Variants in ANKS3 observed in about 807,000 individuals in gnomAD.
ANKS3 encodes the protein ankyrin repeat and SAM domain-containing protein 3.
In ANKS3, 62 loss-of-function variants were observed where a neutral mutation model predicts 80.7. The ratio of observed to expected loss-of-function variants is 0.77; its 90% CI spans 0.63 to 0.95. ANKS3 has a LOEUF of 0.95. Among genes scored for constraint, ANKS3 ranks in the 40% least tolerant of loss-of-function variants. The probability of loss-of-function intolerance (pLI) is 0.00; values close to 1 mark genes in which losing one functional copy is unlikely to be tolerated. For synonymous variants in ANKS3, 489 were observed against 355.3 expected, an observed-to-expected ratio of 1.38 and a Z score of -4.23; for missense variants, 1,150 against 883.6, an observed-to-expected ratio of 1.30 and a Z score of -3.82.
At position 4,702,470 on chromosome 16, in the gene ANKS3, C is replaced by G. The variant is rs545911019; in HGVS notation, c.869-228G>C. Among the ~76,000 whole-genome samples the G allele has an allele frequency of 5.3e-5, 8 of 152,336 alleles. No homozygotes were observed. In the South Asian group the frequency reaches 1.7e-3, roughly 32 times the overall value. ...GGCGAGGGCTGGCAGCCAGGTCAAG[C>G]CTGGGCCCTCTCCATTTCTTTTCCA... On this transcript the variant is annotated intron_variant, in intron 8 of 17. Coordinates refer to ENST00000304283, the MANE Select transcript of ANKS3 (RefSeq NM_133450.4).
intron 5 of ANKS3, among the ~76,000 whole-genome samples, chr16:4,725,803 G>T (rs1368126265): frequency 6.6e-6 from 1 of 152,048 alleles, no homozygotes; most frequent in African/African-American, 2.4e-5. Context: ...GGGATTACAG[G>T]CACCTGCCAC....
intron 7 of ANKS3, among the ~76,000 whole-genome samples, chr16:4,708,239 A>C (rs1274636827): frequency 6.6e-6 from 1 of 152,182 alleles, no homozygotes; most frequent in Admixed American, 6.5e-5. Context: ...GAATAACATG[A>C]GAAATTAATT....
chr16:4,733,450 C>G (rs2081771513), intron 1 of ANKS3, among the ~76,000 whole-genome samples: 1 of 151,906 alleles, frequency 6.6e-6, no homozygotes, highest in Non-Finnish European at 1.5e-5. Flanking sequence ...AGCCACCATG[C>G]CAGCCTAGTT....
Position 4,705,258 on chromosome 16 carries a change from G to A in ANKS3, c.710-5C>T, listed in dbSNP as rs769893016. The A allele has an allele frequency of 1.2e-6, 2 of 1,613,490 alleles. No homozygotes were observed. The highest frequency in any genetic ancestry group is 3.3e-5 in the Admixed American group (2 of 59,930). ...AGCTCAGATCTTCGTACTTTTCTGT[G>A]ATCAAACACCAAGATTAAGATAGTG... On this transcript the variant is annotated splice_polypyrimidine_tract_variant and splice_region_variant and intron_variant, in intron 7 of 17. Coordinates refer to ENST00000304283, the MANE Select transcript of ANKS3 (RefSeq NM_133450.4).
chr16:4,724,906 A>C (rs2081279856), intron 5 of ANKS3, 75 bp from the exon 6 acceptor site: 3 of 1,368,684 alleles, frequency 2.2e-6, no homozygotes, highest in Non-Finnish European at 3.1e-6. Flanking sequence ...GCTGAAGATA[A>C]ACCCTGAGCA....
intron 10 of ANKS3, 125 bp downstream of exon 10, chr16:4,701,309 C>A: frequency 7.5e-7 from 1 of 1,324,792 alleles, no homozygotes; most frequent in Non-Finnish European, 1.0e-6. Context: ...CACAGCACGT[C>A]CCAGTGCAGC....
At chr16:4,706,172 G>A (rs1313178117) in intron 7 of ANKS3, among the ~76,000 whole-genome samples, 1 of 152,054 alleles carries the variant, frequency 6.6e-6, no homozygotes, top group Non-Finnish European at 1.5e-5. Flanking sequence ...GGGATTATAG[G>A]CACGTTACCA....
intron 5 of ANKS3, 122 bp from the exon 6 acceptor site, chr16:4,724,953 T>C (rs2081282552): frequency 1.4e-6 from 1 of 727,466 alleles, no homozygotes; most frequent in Non-Finnish European, 2.3e-6. Context: ...TAGAACACTG[T>C]CCCTTTCCAG....
rs947119356 is a variant in ANKS3, at chr16:4,727,060, A to G, written c.288T>C (p.Asn96=). Residue 96 remains asparagine, a synonymous_variant, in exon 4 of 18, where the codon AAT becomes AAC. Transcript: ENST00000304283. ...HLLLEAGVSV[N]VPTPEGQTPL... is the part of the protein sequence containing the mutation. ...GAGTCTGCCCTTCTGGGGTCGGCAC[A>G]TTCACACTCACCCCCGCCTCAAGCA... is the stretch of plus-strand genomic sequence containing the variant. 6.2e-7 allele frequency: 1 copy of G among 1,614,140 alleles called. No individual in the cohort carries two copies.
intron 16 of ANKS3, 55 bp downstream of exon 16, chr16:4,697,278 T>C (rs2079614625): frequency 1.3e-6 from 2 of 1,561,758 alleles, no homozygotes; most frequent in Non-Finnish European, 1.7e-6. Context: ...AGGGGTCCCT[T>C]TGCCTCCCTC....
intron 6 of ANKS3, among the ~76,000 whole-genome samples, chr16:4,714,739 AT>A (rs2142091521): frequency 6.6e-6 from 1 of 152,236 alleles, no homozygotes; most frequent in East Asian, 1.9e-4. Flanking sequence ...CATGCCTGTA[AT>A]CCCAGCACTT....
chr16:4,724,688 T>C, intron 6 of ANKS3, 62 bp downstream of exon 6: 1 of 1,461,686 alleles, frequency 6.8e-7, no homozygotes, highest in Middle Eastern at 1.7e-4. Context: ...AGCTTATACT[T>C]CAGTAATATG....
intron 14 of ANKS3, 73 bp from the exon 15 acceptor site, chr16:4,698,135 TA>T: frequency 6.8e-7 from 1 of 1,471,430 alleles, no homozygotes; most frequent in Non-Finnish European, 9.3e-7. Flanking sequence ...TCAGACCTTC[TA>T]GGGGAGGGAG....
chr16:4,724,598 A>G (rs2081262530), intron 6 of ANKS3, 152 bp downstream of exon 6: 3 of 702,130 alleles, frequency 4.3e-6, no homozygotes, highest in Non-Finnish European at 7.2e-6. Context: ...GCACCACTCA[A>G]CACCGGGCGT....
At chr16:4,713,376 C>G (rs2080605148) in intron 7 of ANKS3, among the ~76,000 whole-genome samples, 1 of 152,090 alleles carries the variant, frequency 6.6e-6, no homozygotes, top group Non-Finnish European at 1.5e-5. Flanking sequence ...CGTATCCAAC[C>G]ACCACCTGTT....
At chr16:4,703,490 G>A (rs1327730191) in intron 8 of ANKS3, among the ~76,000 whole-genome samples, 6 of 148,190 alleles carry the variant, frequency 4.0e-5, no homozygotes, top group African/African-American at 1.0e-4. Context: ...GCACAATCTC[G>A]GCTCACTGCA....
rs757305590 is a variant in ANKS3 at position 4,697,973 on chromosome 16, T to C, written c.1810+4A>G. On this transcript the variant is annotated splice_donor_region_variant and intron_variant, in intron 15 of 17. Transcript: ENST00000304283. ...CCAGTGCGGAGTCAGGCCACTGCTC[T>C]TACCAGCTGGGGGGACGGCTAGGCC... is the stretch of plus-strand genomic sequence containing the variant. The C allele has an allele frequency of 4.0e-5, 64 of 1,583,468 alleles. No homozygotes were observed. The highest frequency in any genetic ancestry group is 5.2e-5 in the Non-Finnish European group (61 of 1,166,276).
rs556223825 is a variant in ANKS3, at chr16:4,731,831, T to C, written c.-70-252A>G. ...GGTAACACTTTCCCCGAGATGGGCC[T>C]ACATGGGTAACGGCACACCAGGAAT... is the stretch of plus-strand genomic sequence containing the variant. On this transcript the variant is annotated intron_variant, in intron 1 of 17. Transcript: ENST00000304283. 6.6e-5 allele frequency among the ~76,000 whole-genome samples: 10 copies of C among 152,086 alleles called. 1 individual carries two copies. In the South Asian group the frequency reaches 2.1e-3, roughly 32 times the overall value.
chr16:4,731,149 T>A (rs2081594983), intron 2 of ANKS3, among the ~76,000 whole-genome samples: 1 of 152,084 alleles, frequency 6.6e-6, no homozygotes, highest in Non-Finnish European at 1.5e-5. Flanking sequence ...AAGGCAAAAT[T>A]AAAGGGTTGG....
Sources: allele counts gnomAD v4.1 joint callset (sites outside exome capture counted in the v4.1 genomes callset), GRCh38; gene constraint gnomAD v4.1.1; transcripts MANE v1.5; gene names NCBI Gene and HGNC (gene_info 2026-07-23, HGNC 2026-07-21).